The following UFM1 variants were observed in gnomAD, a reference collection of about 807,000 sequenced individuals.
UFM1 encodes the protein ubiquitin-fold modifier 1.
In UFM1, 9 loss-of-function variants were observed where a neutral mutation model predicts 15.4. The observed-to-expected ratio is 0.59, with a 90% CI of 0.35 to 1.02. The LOEUF (loss-of-function observed/expected upper bound fraction) is 1.02, where lower values mean the gene tolerates loss of function less well. Among genes scored for constraint, UFM1 ranks in the 50% least tolerant of loss-of-function variants. The probability of loss-of-function intolerance (pLI) is 0.02; values close to 1 mark genes in which losing one functional copy is unlikely to be tolerated. For synonymous variants in UFM1, 27 were observed against 36.3 expected (o/e 0.74, Z 0.92); for missense variants, 98 against 104.7 (o/e 0.94, Z 0.28).
chr13:38,358,081 C>G lies in UFM1; in HGVS notation c.118-12C>G, dbSNP rs768819088. 8.4e-7 allele frequency: 1 copy of G among 1,186,256 alleles called. No homozygotes were observed. The highest frequency in any genetic ancestry group is 1.1e-6 in the Non-Finnish European group (1 of 891,870). The allele number at this position is 1,186,256 out of a possible 1,614,324, so 73.5% of individuals were successfully genotyped here. A position where few individuals can be genotyped will look rare whatever the true frequency, so the allele number is the denominator to read the frequency against. On this transcript the variant is annotated splice_polypyrimidine_tract_variant and intron_variant, in intron 3 of 5. Coordinates refer to ENST00000239878, the MANE Select transcript of UFM1 (RefSeq NM_016617.4). Reference sequence around the variant, plus strand: ...TGTATATATATATATATTTTTTTTTCCTTCTATTTAGTTTAAAGTTCCTGC... The same window carrying G: ...TGTATATATATATATATTTTTTTTTGCTTCTATTTAGTTTAAAGTTCCTGC...
chr13:38,352,685 A>G (rs955873093), intron 2 of UFM1, among the ~76,000 whole-genome samples: 1 of 152,194 alleles, frequency 6.6e-6, no homozygotes, highest in Non-Finnish European at 1.5e-5. Context: ...ATTTTCTGCC[A>G]GTTAGAACTT....
intron 5 of UFM1, 141 bp downstream of exon 5, chr13:38,359,474 C>T: frequency 3.7e-6 from 3 of 800,454 alleles, no homozygotes; most frequent in Non-Finnish European, 6.0e-6. Context: ...CAGTCTTTAC[C>T]TGTGTGTCTG....
intron 3 of UFM1, among the ~76,000 whole-genome samples, chr13:38,355,691 AAATATT>A (rs1408338052): frequency 6.6e-6 from 1 of 151,920 alleles, no homozygotes; most frequent in Non-Finnish European, 1.5e-5. Context: ...ACAGAAAAGA[AAATATT>A]AAGAAAACCA....
At chr13:38,350,422 C>T (rs74047550) in intron 2 of UFM1, among the ~76,000 whole-genome samples, 1,647 of 152,290 alleles carry the variant, frequency 0.011, 27 homozygotes, top group African/African-American at 0.03. Flanking sequence ...AAAAGCGTTT[C>T]ACCGCTTTGG....
Position 38,350,018 on chromosome 13 carries a change from A to G in UFM1, c.22A>G (p.Ile8Val). Residue 8 changes from isoleucine (I) to valine (V), a missense_variant, in exon 2 of 6, where the codon ATC (isoleucine) becomes GTC (valine). Ile to Val is a conservative substitution (Grantham distance 29). Transcript: ENST00000239878. MSKVSFKITLTSDPRLPY... is the reference protein window; with the variant it reads MSKVSFKVTLTSDPRLPY... ...CCTCAGGTCGAAGGTTTCCTTTAAG[A>G]TCACGCTGACGTCGGACCCACGGCT... is the stretch of plus-strand genomic sequence containing the variant. 1 of 1,614,188 alleles carries G rather than the reference A, an allele frequency of 6.2e-7. No homozygotes were observed. The highest frequency in any genetic ancestry group is 8.5e-7 in the Non-Finnish European group (1 of 1,180,044).
chr13:38,350,513 C>G (rs1038330324), intron 2 of UFM1, among the ~76,000 whole-genome samples: 1 of 152,138 alleles, frequency 6.6e-6, no homozygotes, highest in African/African-American at 2.4e-5. Context: ...TGTTATTCCG[C>G]GGCTTCTGAG....
chr13:38,354,890 C>A (rs544551115), intron 3 of UFM1: 3 of 151,880 alleles, frequency 2.0e-5, no homozygotes, highest in African/African-American at 7.2e-5. Flanking sequence ...AATGTGACTT[C>A]GGAGACTTAG....
chr13:38,360,129 T>C (rs1879303930), intron 5 of UFM1: 4 of 319,798 alleles, frequency 1.3e-5, no homozygotes, highest in South Asian at 1.0e-4. Flanking sequence ...ATATATAATT[T>C]TATTAAAAAG....
rs1252218265 is a variant in UFM1 at position 38,361,582 on chromosome 13, CAG to C, written c.*807_*808del. 4.6e-5 allele frequency: 7 copies of C among 152,246 alleles called. No individual in the cohort carries two copies. The East Asian group carries it at 1.2e-3, about 25-fold the overall frequency. The allele number at this position is 152,246 out of a possible 1,614,324, so 9.4% of individuals were successfully genotyped here. ...AGTATTTCTAAATAGCATTCAGGAA[CAG>C]AGTATTATTGCACAGATCTGAAGAT... On this transcript the variant is annotated 3_prime_UTR_variant, in exon 6 of 6. Coordinates refer to ENST00000239878, the MANE Select transcript of UFM1 (RefSeq NM_016617.4).
At chr13:38,358,234 G>A (rs1366238126) in intron 4 of UFM1, 102 bp downstream of exon 4, 1 of 628,372 alleles carries the variant, frequency 1.6e-6, no homozygotes, top group South Asian at 3.2e-5. Flanking sequence ...CCAAGTATAT[G>A]TATATCAACA....
At chr13:38,350,270 C>G (rs370347538) in intron 2 of UFM1, 1 of 1,557,478 alleles carries the variant, frequency 6.4e-7, no homozygotes, top group Non-Finnish European at 8.7e-7. Context: ...AGCTTGGCCC[C>G]GTCACGAGGG....
At chr13:38,356,757 G>A (rs1008571877) in intron 3 of UFM1, among the ~76,000 whole-genome samples, 1 of 144,980 alleles carries the variant, frequency 6.9e-6, no homozygotes, top group African/African-American at 2.5e-5. Context: ...CAAAAAATAC[G>A]AGAAACACTT....
chr13:38,359,326 G>A lies in UFM1; in HGVS notation c.183G>A (p.Gln61=), dbSNP rs745406406. Residue 61 remains glutamine, a synonymous_variant, in exon 5 of 6, where the codon CAG becomes CAA. Transcript: ENST00000239878. ...TNDGIGINPA[Q]TAGNVFLKHG... ...ATGGAATAGGAATAAATCCTGCACA[G>A]ACTGCTGGTGAGTATTTGAAAACTC... 3.1e-6 allele frequency: 5 copies of A among 1,611,620 alleles called. No homozygotes were observed. The highest frequency in any genetic ancestry group is 3.4e-6 in the Non-Finnish European group (4 of 1,178,346).
chr13:38,349,877 C>A lies in UFM1; in HGVS notation c.-43C>A. On this transcript the variant is annotated 5_prime_UTR_variant, in exon 1 of 6. Transcript: ENST00000239878. ...GCACACTAGAGGAAGTCGTGCTACC[C>A]CCGCGGAGTTGTCGTGTGTTCTGGA... 8.1e-6 allele frequency: 13 copies of A among 1,614,112 alleles called. No homozygotes were observed. Among genetic ancestry groups the A allele is most frequent in the African/African-American group, 1.3e-5 (1 of 75,036 alleles).
At chr13:38,355,345 GA>G (rs1879047488) in intron 3 of UFM1, among the ~76,000 whole-genome samples, 1 of 151,926 alleles carries the variant, frequency 6.6e-6, no homozygotes, top group African/African-American at 2.4e-5. Flanking sequence ...CATGCAGAAA[GA>G]ATAAGTAAAA....
chr13:38,350,288 G>A (rs2140048374), intron 2 of UFM1: 1 of 1,519,200 alleles, frequency 6.6e-7, no homozygotes, highest in South Asian at 1.2e-5. Context: ...GGGTGTGGGT[G>A]TGTTTCTGAT....
At position 38,363,400 on chromosome 13, in the gene UFM1, G is replaced by C. The variant is rs1325987268; in HGVS notation, c.*2622G>C. On this transcript the variant is annotated 3_prime_UTR_variant, in exon 6 of 6. Transcript: ENST00000239878. The stretch of plus-strand genomic sequence containing the variant: ...ACAAGTACATTCTGATGTTCACATA[G>C]TGACAAAATTGCCTAAGGAAGCATT... 1.3e-5 allele frequency: 2 copies of C among 151,710 alleles called. No individual in the cohort carries two copies. The highest frequency in any genetic ancestry group is 2.9e-5 in the Non-Finnish European group (2 of 67,990). The allele number at this position is 151,710 out of a possible 1,614,324, so 9.4% of individuals were successfully genotyped here.
intron 5 of UFM1, 200 bp downstream of exon 5, chr13:38,359,533 A>G (rs559377184): frequency 8.7e-6 from 4 of 459,216 alleles, no homozygotes; most frequent in African/African-American, 4.0e-5. Context: ...GTTTTTGGCT[A>G]CAAGTAACAG....
intron 2 of UFM1, among the ~76,000 whole-genome samples, chr13:38,353,194 A>T (rs903816853): frequency 6.6e-6 from 1 of 152,124 alleles, no homozygotes; most frequent in East Asian, 1.9e-4. Flanking sequence ...TGTTATAATG[A>T]TTCTTATAGT....
Sources: allele counts gnomAD v4.1 joint callset (sites outside exome capture counted in the v4.1 genomes callset), GRCh38; gene constraint gnomAD v4.1.1; transcripts MANE v1.5; gene names NCBI Gene and HGNC (gene_info 2026-07-23, HGNC 2026-07-21).